The following CDH13 variants were observed in gnomAD, a reference collection of about 807,000 sequenced individuals.
The protein encoded by CDH13 is cadherin-13.
CDH13 carries 24 observed loss-of-function variants against 63.8 expected under a neutral mutation model. That is an observed-to-expected ratio of 0.38 (90% CI 0.27 to 0.53). CDH13 has a LOEUF of 0.53. Among genes scored for constraint, CDH13 ranks in the 20% least tolerant of loss-of-function variants. The pLI is 0.85. For missense variants in CDH13, 1,049 were observed against 903.1 expected (o/e 1.16, Z -2.07); for synonymous variants, 503 against 355.3 (o/e 1.42, Z -4.67).
intron 2 of CDH13, among the ~76,000 whole-genome samples, chr16:82,992,859 T>C (rs1911805401): frequency 6.6e-6 from 1 of 152,082 alleles, no homozygotes; most frequent in African/African-American, 2.4e-5. Flanking sequence ...ATAATCAAAT[T>C]ATTGGTAAAA....
At chr16:83,278,027 G>T (rs1056572872) in intron 5 of CDH13, among the ~76,000 whole-genome samples, 7 of 152,030 alleles carry the variant, frequency 4.6e-5, no homozygotes, top group African/African-American at 7.2e-5. Context: ...TTGATAAAAG[G>T]TCTCATAGTT....
chr16:83,321,156 T>C (rs1567589686), intron 5 of CDH13, among the ~76,000 whole-genome samples: 2 of 152,242 alleles, frequency 1.3e-5, no homozygotes, highest in African/African-American at 4.8e-5. Context: ...TAGTTTGTGC[T>C]AAGACTGAGC....
chr16:82,705,558 C>A (rs1395182601), intron 1 of CDH13, among the ~76,000 whole-genome samples: 4 of 152,136 alleles, frequency 2.6e-5, no homozygotes, highest in African/African-American at 7.2e-5. Flanking sequence ...CTGGTGATCC[C>A]AAGACTAATT....
intron 5 of CDH13, among the ~76,000 whole-genome samples, chr16:83,333,829 A>G (rs1567598854): frequency 6.6e-6 from 1 of 152,100 alleles, no homozygotes; most frequent in Non-Finnish European, 1.5e-5. Flanking sequence ...AATGGTACCT[A>G]CTTTTATTCT....
intron 7 of CDH13, among the ~76,000 whole-genome samples, chr16:83,510,360 C>T (rs918399009): frequency 6.6e-6 from 1 of 152,128 alleles, no homozygotes; most frequent in Non-Finnish European, 1.5e-5. Context: ...CACCATTCCA[C>T]AATTGGACTT....
chr16:83,559,758 C>A (rs552554396), intron 7 of CDH13, among the ~76,000 whole-genome samples: 2 of 152,206 alleles, frequency 1.3e-5, no homozygotes, highest in Admixed American at 6.5e-5. Flanking sequence ...AGTGGCCAAG[C>A]AACTTTCTTA....
At chr16:83,011,590 C>G (rs779926877) in intron 2 of CDH13, among the ~76,000 whole-genome samples, 2 of 152,150 alleles carry the variant, frequency 1.3e-5, no homozygotes, top group African/African-American at 4.8e-5. Flanking sequence ...GCTCCTGTAC[C>G]AGGTTGCACA....
chr16:82,720,934 G>A (rs1472106011), intron 1 of CDH13, among the ~76,000 whole-genome samples: 3 of 152,212 alleles, frequency 2.0e-5, no homozygotes, highest in African/African-American at 4.8e-5. Flanking sequence ...ATAAATGAGT[G>A]AGTGAGGTTT....
intron 2 of CDH13, among the ~76,000 whole-genome samples, chr16:82,871,643 A>G (rs1336042145): frequency 7.1e-6 from 1 of 140,254 alleles, no homozygotes; most frequent in Non-Finnish European, 1.7e-5. Flanking sequence ...TTTTGACTGT[A>G]ATCAACAGTA....
intron 7 of CDH13, among the ~76,000 whole-genome samples, chr16:83,562,836 A>G (rs2075732032): frequency 6.6e-6 from 1 of 152,222 alleles, no homozygotes; most frequent in South Asian, 2.1e-4. Context: ...GCATCTGAAA[A>G]ATAACTAGAA....
rs184168318 is a variant in CDH13 at position 83,202,446 on chromosome 16, T to C, written c.484-14899T>C. Among the ~76,000 whole-genome samples the C allele has an allele frequency of 2.4e-3, 362 of 152,292 alleles. 1 individual carries two copies. The highest frequency in any genetic ancestry group is 8.3e-3 in the African/African-American group (345 of 41,570). Reference sequence around the variant, plus strand: ...CCCTGGAAAGATTTTAATCAGGGCATGATCCAATTGGAAGAGACAGTAGCG... The same window carrying C: ...CCCTGGAAAGATTTTAATCAGGGCACGATCCAATTGGAAGAGACAGTAGCG... On this transcript the variant is annotated intron_variant, in intron 4 of 13. Coordinates refer to ENST00000567109, the MANE Select transcript of CDH13 (RefSeq NM_001257.5).
At chr16:83,052,672 C>A (rs559631564) in intron 3 of CDH13, among the ~76,000 whole-genome samples, 1 of 148,758 alleles carries the variant, frequency 6.7e-6, no homozygotes, top group Non-Finnish European at 1.5e-5. Flanking sequence ...CCCAGCTACT[C>A]GGGAGGCTGA....
intron 7 of CDH13, among the ~76,000 whole-genome samples, chr16:83,569,592 C>T (rs1904380254): frequency 6.6e-6 from 1 of 152,160 alleles, no homozygotes; most frequent in Admixed American, 6.5e-5. Flanking sequence ...ATTGTGAAAT[C>T]CCTCCAGATT....
chr16:83,568,032 C>G (rs1017049645), intron 7 of CDH13, among the ~76,000 whole-genome samples: 1 of 152,306 alleles, frequency 6.6e-6, no homozygotes, highest in Middle Eastern at 3.4e-3. Context: ...CACCTCCAAA[C>G]CCAGCTCACA....
intron 1 of CDH13, among the ~76,000 whole-genome samples, chr16:82,772,990 C>T (rs1324294094): frequency 1.3e-5 from 2 of 152,108 alleles, no homozygotes; most frequent in East Asian, 1.9e-4. Context: ...GAAAAAAAAC[C>T]ATGTAGAGAG....
At chr16:82,901,859 C>T (rs980605261) in intron 2 of CDH13, among the ~76,000 whole-genome samples, 3 of 152,332 alleles carry the variant, frequency 2.0e-5, no homozygotes, top group African/African-American at 7.2e-5. Context: ...TGTAGGACAC[C>T]ATTTCCATGC....
intron 5 of CDH13, among the ~76,000 whole-genome samples, chr16:83,254,226 C>T (rs1439776972): frequency 6.6e-6 from 1 of 152,156 alleles, no homozygotes; most frequent in Non-Finnish European, 1.5e-5. Flanking sequence ...GATTGGGAAC[C>T]ACAGCGAAGT....
At chr16:83,060,246 C>G (rs1004412161) in intron 3 of CDH13, among the ~76,000 whole-genome samples, 3 of 152,146 alleles carry the variant, frequency 2.0e-5, no homozygotes, top group Non-Finnish European at 4.4e-5. Context: ...GTTGCCACAA[C>G]TTCTTTGGTT....
At chr16:82,778,747 G>T (rs993226080) in intron 1 of CDH13, among the ~76,000 whole-genome samples, 7 of 151,960 alleles carry the variant, frequency 4.6e-5, no homozygotes, top group African/African-American at 1.5e-4. Context: ...ATGAACAACA[G>T]CTTTAAAGCA....
Sources: gnomAD v4.1 joint callset for allele counts (sites outside exome capture counted in the v4.1 genomes callset) on GRCh38, gnomAD v4.1.1 for gene constraint, MANE v1.5 for transcripts, NCBI Gene and HGNC (gene_info 2026-07-23, HGNC 2026-07-21) for gene names.